The following ATRN variants were observed in gnomAD, a reference collection of about 807,000 sequenced individuals.
ATRN encodes the protein attractin-2.
In ATRN, 54 loss-of-function variants were observed where a neutral mutation model predicts 178.7. The observed-to-expected ratio is 0.30, with a 90% CI of 0.24 to 0.38. The LOEUF (loss-of-function observed/expected upper bound fraction) is 0.38, where lower values mean the gene tolerates loss of function less well. Among genes scored for constraint, ATRN ranks in the 10% least tolerant of loss-of-function variants. The probability of loss-of-function intolerance (pLI) is 1.00; values close to 1 mark genes in which losing one functional copy is unlikely to be tolerated. For synonymous variants in ATRN, 636 were observed against 663.0 expected (o/e 0.96, Z 0.63); for missense variants, 1,443 against 1,815.1 (o/e 0.79, Z 3.73).
intron 2 of ATRN, among the ~76,000 whole-genome samples, chr20:3,538,343 T>A (rs1479516658): frequency 2.0e-5 from 3 of 152,180 alleles, no homozygotes; most frequent in Non-Finnish European, 4.4e-5. Flanking sequence ...CACCCACCAT[T>A]TCTCCTTGAA....
intron 1 of ATRN, chr20:3,490,923 GT>G (rs1397102277): frequency 7.4e-7 from 1 of 1,355,300 alleles, no homozygotes; most frequent in Non-Finnish European, 1.1e-6. Context: ...GGACTTCTTA[GT>G]GAGCATCTCT....
intron 22 of ATRN, among the ~76,000 whole-genome samples, chr20:3,600,154 A>G (rs986167657): frequency 6.6e-6 from 1 of 152,354 alleles, no homozygotes; most frequent in East Asian, 1.9e-4. Flanking sequence ...ACTAATTATT[A>G]ATGTTATAAT....
intron 24 of ATRN, among the ~76,000 whole-genome samples, chr20:3,605,816 G>T (rs971836284): frequency 2.0e-5 from 3 of 152,194 alleles, no homozygotes; most frequent in African/African-American, 7.2e-5. Context: ...ATACCTAGGT[G>T]ATGAGATGAT....
chr20:3,572,594 A>T, intron 11 of ATRN, 137 bp from the exon 12 acceptor site: 1 of 673,448 alleles, frequency 1.5e-6, no homozygotes. Flanking sequence ...AGGCGAGAGG[A>T]TCTCTTGAGC....
chr20:3,587,683 TTTGCAAGAC>T (rs1274516612), intron 18 of ATRN, among the ~76,000 whole-genome samples: 9 of 152,316 alleles, frequency 5.9e-5, no homozygotes, highest in Admixed American at 4.6e-4. Flanking sequence ...TTGTTCTTAT[TTTGCAAGAC>T]TGTTACAGCT....
At chr20:3,549,107 A>G in intron 5 of ATRN, 63 bp from the exon 6 acceptor site, 1 of 1,342,288 alleles carries the variant, frequency 7.4e-7, no homozygotes, top group African/African-American at 1.5e-5. Context: ...GATAATTAAA[A>G]CTTGAAATGC....
intron 1 of ATRN, among the ~76,000 whole-genome samples, chr20:3,506,233 G>C (rs1327812454): frequency 6.6e-6 from 1 of 152,172 alleles, no homozygotes; most frequent in Non-Finnish European, 1.5e-5. Context: ...GAATCTCTCT[G>C]TATTGCTCCT....
At chr20:3,485,392 T>C (rs947631997) in intron 1 of ATRN, among the ~76,000 whole-genome samples, 1 of 152,154 alleles carries the variant, frequency 6.6e-6, no homozygotes, top group South Asian at 2.1e-4. Context: ...GTCTTGATCC[T>C]GACTTTAAAA....
intron 15 of ATRN, among the ~76,000 whole-genome samples, chr20:3,579,666 A>G (rs2086257233): frequency 6.6e-6 from 1 of 152,098 alleles, no homozygotes; most frequent in Non-Finnish European, 1.5e-5. Context: ...CCATGATCAC[A>G]TTTTGTCATT....
chr20:3,487,360 G>A (rs889972513), intron 1 of ATRN, among the ~76,000 whole-genome samples: 1 of 152,058 alleles, frequency 6.6e-6, no homozygotes, highest in African/African-American at 2.4e-5. Flanking sequence ...AGCCTCGCGA[G>A]TAGCTGGGAT....
intron 4 of ATRN, 47 bp downstream of exon 4, chr20:3,545,937 C>A: frequency 6.3e-7 from 1 of 1,589,170 alleles, no homozygotes. Flanking sequence ...AGGAGACTAT[C>A]TACTATGTTT....
At chr20:3,475,502 A>G (rs1354461884) in intron 1 of ATRN, among the ~76,000 whole-genome samples, 1 of 152,258 alleles carries the variant, frequency 6.6e-6, no homozygotes, top group Non-Finnish European at 1.5e-5. Flanking sequence ...TGTCAGTTTA[A>G]TAAAAATACC....
In ATRN at chr20:3,644,085, G is replaced by T; in HGVS notation, c.4051-69G>T. Reference sequence around the variant, plus strand: ...ATTGATGGTTCTTATAAGCACAAATGACCGTTAAGTTGTCCGTATACATTA... The same window carrying T: ...ATTGATGGTTCTTATAAGCACAAATTACCGTTAAGTTGTCCGTATACATTA... On this transcript the variant is annotated intron_variant, in intron 27 of 28. Transcript: ENST00000262919. The T allele has an allele frequency of 4.3e-6, 5 of 1,166,968 alleles. No homozygotes were observed. The South Asian group carries it at 6.4e-5, about 15-fold the overall frequency. 72.3% of individuals were successfully genotyped at this position (1,166,968 alleles called of 1,614,324 possible). A position where few individuals can be genotyped will look rare whatever the true frequency, so the allele number is the denominator to read the frequency against.
intron 27 of ATRN, 80 bp from the exon 28 acceptor site, chr20:3,644,074 T>C (rs2146328323): frequency 1.9e-6 from 2 of 1,079,140 alleles, no homozygotes; most frequent in Non-Finnish European, 2.8e-6. Flanking sequence ...ATGGTTCTTA[T>C]AAGCACAAAT....
At chr20:3,506,010 ATC>A (rs2085038189) in intron 1 of ATRN, among the ~76,000 whole-genome samples, 1 of 152,198 alleles carries the variant, frequency 6.6e-6, no homozygotes, top group Admixed American at 6.5e-5. Context: ...GTGGAGGTAG[ATC>A]CTTGAATCTA....
In ATRN at chr20:3,648,498, T is replaced by C. The variant is rs1340201342; in HGVS notation, c.*1651T>C. 1 of 152,616 alleles carries C rather than the reference T, an allele frequency of 6.6e-6. No individual in the cohort carries two copies. The highest frequency in any genetic ancestry group is 2.4e-5 in the African/African-American group (1 of 41,438). The allele number at this position is 152,616 out of a possible 1,614,324, so 9.5% of individuals were successfully genotyped here. A position where few individuals can be genotyped will look rare whatever the true frequency, so the allele number is the denominator to read the frequency against. On this transcript the variant is annotated 3_prime_UTR_variant, in exon 29 of 29. Coordinates refer to ENST00000262919, the MANE Select transcript of ATRN (RefSeq NM_139321.3). Reference sequence around the variant, plus strand: ...GACCGCTGGACAGCAATGCTCGAGTTTGTGAATTTGGAGAGATACTCAAAA... The same window carrying C: ...GACCGCTGGACAGCAATGCTCGAGTCTGTGAATTTGGAGAGATACTCAAAA...
intron 1 of ATRN, among the ~76,000 whole-genome samples, chr20:3,485,401 A>G (rs2084676440): frequency 6.6e-6 from 1 of 152,074 alleles, no homozygotes; most frequent in South Asian, 2.1e-4. Context: ...CTGACTTTAA[A>G]AAGAATCCTA....
intron 6 of ATRN, among the ~76,000 whole-genome samples, chr20:3,554,314 TTTA>T (rs2085832885): frequency 6.8e-6 from 1 of 146,334 alleles, no homozygotes; most frequent in African/African-American, 2.5e-5. Context: ...TTTTTATTTA[TTTA>T]TTTATTTATT....
Position 3,481,581 on chromosome 20 carries a change from A to G in ATRN, c.410+10064A>G, listed in dbSNP as rs552048683. On this transcript the variant is annotated intron_variant, in intron 1 of 28. Transcript: ENST00000262919. ...GGCTGATCTCGAACTCCTGGGTTCAAGCAATCCTCTCATCTGCGCCTGCCA... is the reference window on the plus strand; with the variant it reads ...GGCTGATCTCGAACTCCTGGGTTCAGGCAATCCTCTCATCTGCGCCTGCCA... Among the ~76,000 whole-genome samples the G allele has an allele frequency of 2.1e-4, 32 of 152,242 alleles. No individual in the cohort carries two copies. In the South Asian group the frequency reaches 6.6e-3, roughly 32 times the overall value.
Sources: allele counts gnomAD v4.1 joint callset (sites outside exome capture counted in the v4.1 genomes callset), GRCh38; gene constraint gnomAD v4.1.1; transcripts MANE v1.5; gene names NCBI Gene and HGNC (gene_info 2026-07-23, HGNC 2026-07-21).